Variants in PTH observed in about 807,000 individuals in gnomAD.
PTH encodes parathyroid hormone, also known as parathormone.
PTH carries 7 observed loss-of-function variants against 7.4 expected under a neutral mutation model. The observed-to-expected ratio is 0.94, with a 90% CI of 0.53 to 1.77. PTH has a LOEUF of 1.77. PTH is among the 40% of genes most tolerant of loss of function. The probability of loss-of-function intolerance (pLI) is 0.00; values close to 1 mark genes in which losing one functional copy is unlikely to be tolerated. For missense variants in PTH, 128 were observed against 137.1 expected (o/e 0.93, Z 0.33); for synonymous variants, 51 against 46.6 (o/e 1.09, Z -0.39).
intron 1 of PTH, among the ~76,000 whole-genome samples, chr11:13,494,539 G>T (rs1847516552): frequency 6.6e-6 from 1 of 152,082 alleles, no homozygotes; most frequent in African/African-American, 2.4e-5. Context: ...TCAAATGTGT[G>T]GTCACCAAAT....
At chr11:13,492,744 C>G in intron 2 of PTH, 26 bp downstream of exon 2, 2 of 1,613,846 alleles carry the variant, frequency 1.2e-6, no homozygotes, top group Non-Finnish European at 1.7e-6. Context: ...ATTAAAAATC[C>G]AATTCCAAGG....
rs780806029 is a variant in PTH at position 13,492,350 on chromosome 11, G to A, written c.*55C>T. On this transcript the variant is annotated 3_prime_UTR_variant, in exon 3 of 3. Coordinates refer to ENST00000282091, the MANE Select transcript of PTH (RefSeq NM_000315.4). ...TAATAGAGCTTTGAATTAGCAGCAT[G>A]TATTGTTGCCCTACACTGTCTAGAG... 1,206 of 1,593,846 alleles carry A rather than the reference G, an allele frequency of 7.6e-4. 2 individuals are homozygous for A. Among genetic ancestry groups the A allele is most frequent in the Non-Finnish European group, 9.9e-4 (1,157 of 1,172,884 alleles).
At position 13,492,488 on chromosome 11, in the gene PTH, C is replaced by T. The variant is rs760357380; in HGVS notation, c.265G>A (p.Val89Ile). The change falls in exon 3 of 3, where the codon GTC becomes ATC. Residue 89 changes from valine to isoleucine, a missense_variant. Coordinates refer to ENST00000282091, the MANE Select transcript of PTH (RefSeq NM_000315.4). ...SQRPRKKEDN[V>I]LVESHEKSLG... ...CTTTTTTCATGGCTCTCAACCAAGA[C>T]ATTGTCTTCCTTTTTTCGGGGCCTC... The T allele has an allele frequency of 6.2e-7, 1 of 1,614,134 alleles. No individual in the cohort carries two copies. The highest frequency in any genetic ancestry group is 8.5e-7 in the Non-Finnish European group (1 of 1,180,018).
chr11:13,494,845 A>ATGT (rs1246853631), intron 1 of PTH, among the ~76,000 whole-genome samples: 1 of 152,162 alleles, frequency 6.6e-6, no homozygotes, highest in Non-Finnish European at 1.5e-5. Context: ...ACTGCATTTT[A>ATGT]TGTTGATTAT....
At position 13,492,336 on chromosome 11, in the gene PTH, T is replaced by A; in HGVS notation, c.*69A>T. On this transcript the variant is annotated 3_prime_UTR_variant, in exon 3 of 3. Transcript: ENST00000282091. ...GCACTTGGAAATCTTAATAGAGCTT[T>A]GAATTAGCAGCATGTATTGTTGCCC... is the stretch of plus-strand genomic sequence containing the variant. 1.9e-6 allele frequency: 3 copies of A among 1,583,166 alleles called. No homozygotes were observed. The highest frequency in any genetic ancestry group is 2.6e-6 in the Non-Finnish European group (3 of 1,164,978).
intron 1 of PTH, among the ~76,000 whole-genome samples, chr11:13,493,595 C>T (rs1847504573): frequency 6.6e-6 from 1 of 152,196 alleles, no homozygotes; most frequent in Non-Finnish European, 1.5e-5. Flanking sequence ...ATCTACCGTC[C>T]TAACTGTGAC....
rs1847484920 is a variant in PTH, at chr11:13,492,432, A to G, written c.321T>C (p.Asn107=). The G allele has an allele frequency of 1.9e-6, 3 of 1,613,894 alleles. No homozygotes were observed. The highest frequency in any genetic ancestry group is 2.5e-6 in the Non-Finnish European group (3 of 1,180,000). The change falls in exon 3 of 3, where the codon AAT becomes AAC. Residue 107 remains asparagine (N), a synonymous_variant. Coordinates refer to ENST00000282091, the MANE Select transcript of PTH (RefSeq NM_000315.4). ...SLGEADKADV[N]VLTKAKSQ ...ACTGGGATTTAGCTTTAGTTAATAC[A>G]TTCACATCAGCTTTGTCTGCCTCTC...
upstream of PTH, chr11:13,496,035 T>C (rs1847531535): frequency 6.6e-6 from 1 of 152,176 alleles, no homozygotes; most frequent in South Asian, 2.1e-4. Flanking sequence ...ATAGGTCTTC[T>C]GCTTACCAAG....
At position 13,492,557 on chromosome 11, in the gene PTH, C is replaced by T. The variant is rs200119869; in HGVS notation, c.196G>A (p.Val66Ile). 174 of 1,614,026 alleles carry T rather than the reference C, an allele frequency of 1.1e-4. No individual in the cohort carries two copies. Among genetic ancestry groups the T allele is most frequent in the Non-Finnish European group, 1.4e-4 (171 of 1,180,036 alleles). The change falls in exon 3 of 3, where the codon GTT becomes ATT. Residue 66 changes from valine to isoleucine, a missense_variant. Val to Ile is a conservative substitution (Grantham distance 29). Transcript: ENST00000282091. ...GGAGCTAGAGGAGCTCCAAGGGCAA[C>T]AAAATTGTGCACATCCTGCAGCTTC... is the stretch of plus-strand genomic sequence containing the variant. ...RKKLQDVHNF[V>I]ALGAPLAPRD...
Position 13,492,170 on chromosome 11 carries a change from C to T in PTH, c.*235G>A, listed in dbSNP as rs1847480321. 1 of 499,912 alleles carries T rather than the reference C, an allele frequency of 2.0e-6. No homozygotes were observed. The highest frequency in any genetic ancestry group is 3.4e-6 in the Non-Finnish European group (1 of 292,944). The allele number at this position is 499,912 out of a possible 1,614,324, so 31.0% of individuals were successfully genotyped here. A position where few individuals can be genotyped will look rare whatever the true frequency, so the allele number is the denominator to read the frequency against. ...TATTCTTTTATAAATTATGCAATAA[C>T]ATACTTTAAAAAGAATAAACAATAG... On this transcript the variant is annotated 3_prime_UTR_variant, in exon 3 of 3. Transcript: ENST00000282091.
chr11:13,492,343 G>C lies in PTH; in HGVS notation c.*62C>G. 1 of 1,588,028 alleles carries C rather than the reference G, an allele frequency of 6.3e-7. No homozygotes were observed. Among genetic ancestry groups the C allele is most frequent in the Non-Finnish European group, 8.6e-7 (1 of 1,168,640 alleles). On this transcript the variant is annotated 3_prime_UTR_variant, in exon 3 of 3. Transcript: ENST00000282091. ...GAAATCTTAATAGAGCTTTGAATTA[G>C]CAGCATGTATTGTTGCCCTACACTG...
In PTH at chr11:13,492,663, C is replaced by G. The variant is rs1847490033; in HGVS notation, c.90G>C (p.Lys30Asn). The G allele has an allele frequency of 6.2e-6, 10 of 1,614,092 alleles. No homozygotes were observed. The highest frequency in any genetic ancestry group is 8.5e-6 in the Non-Finnish European group (10 of 1,180,016). ...LTKSDGKSVK[K>N]RSVSEIQLMH... ...TAAGCTGTATTTCACTCACAGATCTCTTCCTGGGAAGAAGAGAAACAGAGA... is the reference window on the plus strand; with the variant it reads ...TAAGCTGTATTTCACTCACAGATCTGTTCCTGGGAAGAAGAGAAACAGAGA... The change falls in exon 3 of 3, where the codon AAG becomes AAC. Residue 30 changes from lysine to asparagine, a missense_variant. Transcript: ENST00000282091.
At position 13,492,217 on chromosome 11, in the gene PTH, A is replaced by G; in HGVS notation, c.*188T>C. On this transcript the variant is annotated 3_prime_UTR_variant, in exon 3 of 3. Coordinates refer to ENST00000282091, the MANE Select transcript of PTH (RefSeq NM_000315.4). The stretch of plus-strand genomic sequence containing the variant: ...ATAGAAAAGATAATTAAAATAACTC[A>G]AATGAATAAAAGTGGAATCAGAATA... 1 of 605,686 alleles carries G rather than the reference A, an allele frequency of 1.7e-6. No individual in the cohort carries two copies. The highest frequency in any genetic ancestry group is 2.7e-6 in the Non-Finnish European group (1 of 371,024). The allele number at this position is 605,686 out of a possible 1,614,324, so 37.5% of individuals were successfully genotyped here. A position where few individuals can be genotyped will look rare whatever the true frequency, so the allele number is the denominator to read the frequency against.
At chr11:13,495,059 A>G (rs1398587396) in intron 1 of PTH, among the ~76,000 whole-genome samples, 1 of 152,184 alleles carries the variant, frequency 6.6e-6, no homozygotes, top group Non-Finnish European at 1.5e-5. Flanking sequence ...ATAATGTGTC[A>G]AAGCATTTAA....
chr11:13,493,510 A>G (rs529327816), intron 1 of PTH, among the ~76,000 whole-genome samples: 2 of 152,392 alleles, frequency 1.3e-5, no homozygotes, highest in South Asian at 4.1e-4. Flanking sequence ...TCAGCATATT[A>G]ATAAAAATCC....
chr11:13,492,310 G>A lies in PTH; in HGVS notation c.*95C>T. Reference sequence around the variant, plus strand: ...TGTAGTTTGTTATATCAGAAATATTGGCACTTGGAAATCTTAATAGAGCTT... The same window carrying A: ...TGTAGTTTGTTATATCAGAAATATTAGCACTTGGAAATCTTAATAGAGCTT... On this transcript the variant is annotated 3_prime_UTR_variant, in exon 3 of 3. Transcript: ENST00000282091. The A allele has an allele frequency of 6.7e-7, 1 of 1,489,296 alleles. No homozygotes were observed. The highest frequency in any genetic ancestry group is 9.2e-7 in the Non-Finnish European group (1 of 1,086,752). 92.3% of individuals were successfully genotyped at this position (1,489,296 alleles called of 1,614,324 possible). A position where few individuals can be genotyped will look rare whatever the true frequency, so the allele number is the denominator to read the frequency against.
Position 13,492,337 on chromosome 11 carries a change from G to A in PTH, c.*68C>T, listed in dbSNP as rs764658271. Reference sequence around the variant, plus strand: ...CACTTGGAAATCTTAATAGAGCTTTGAATTAGCAGCATGTATTGTTGCCCT... The same window carrying A: ...CACTTGGAAATCTTAATAGAGCTTTAAATTAGCAGCATGTATTGTTGCCCT... On this transcript the variant is annotated 3_prime_UTR_variant, in exon 3 of 3. Coordinates refer to ENST00000282091, the MANE Select transcript of PTH (RefSeq NM_000315.4). 120 of 1,583,260 alleles carry A rather than the reference G, an allele frequency of 7.6e-5. 1 individual carries two copies. The East Asian group carries it at 1.2e-3, about 16-fold the overall frequency.
At chr11:13,492,933 T>C in intron 1 of PTH, 73 bp from the exon 2 acceptor site, 1 of 1,344,842 alleles carries the variant, frequency 7.4e-7, no homozygotes, top group Non-Finnish European at 1.0e-6. Context: ...CAGAATGCAA[T>C]ACTAACTAAT....
At chr11:13,495,711 A>G (rs1485228569) in intron 1 of PTH, among the ~76,000 whole-genome samples, 200 bp downstream of exon 1, 2 of 152,154 alleles carry the variant, frequency 1.3e-5, no homozygotes, top group Non-Finnish European at 2.9e-5. Flanking sequence ...ATCTCAGAAG[A>G]CTTTAATCAA....
Sources: allele counts gnomAD v4.1 joint callset (sites outside exome capture counted in the v4.1 genomes callset), GRCh38; gene constraint gnomAD v4.1.1; transcripts MANE v1.5; gene names NCBI Gene and HGNC (gene_info 2026-07-23, HGNC 2026-07-21).